MTHFD1L: variants seen among roughly 807,000 people sequenced by gnomAD.
The protein encoded by MTHFD1L is monofunctional C1-tetrahydrofolate synthase, mitochondrial.
MTHFD1L carries 81 observed loss-of-function variants against 119.5 expected under a neutral mutation model. The observed-to-expected ratio is 0.68, with a 90% CI of 0.57 to 0.82. MTHFD1L has a LOEUF of 0.82. MTHFD1L is among the 40% of genes least tolerant of loss of function. The pLI is 0.00. For synonymous variants in MTHFD1L, 430 were observed against 475.2 expected (o/e 0.90, Z 1.24); for missense variants, 1,125 against 1,253.4 (o/e 0.90, Z 1.55).
chr6:150,965,968 G>A (rs1033821614), intron 19 of MTHFD1L, among the ~76,000 whole-genome samples: 2 of 152,132 alleles, frequency 1.3e-5, no homozygotes, highest in African/African-American at 2.4e-5. Flanking sequence ...GTGCCTGCCC[G>A]CCTGTTAAAG....
intron 1 of MTHFD1L, among the ~76,000 whole-genome samples, chr6:150,872,975 A>G (rs1779787300): frequency 6.6e-6 from 1 of 151,818 alleles, no homozygotes; most frequent in African/African-American, 2.4e-5. Flanking sequence ...ATCCCCAACT[A>G]TTTTAAAAGT....
intron 12 of MTHFD1L, among the ~76,000 whole-genome samples, chr6:150,937,790 AGTT>A (rs1208052600): frequency 6.6e-6 from 1 of 152,136 alleles, no homozygotes; most frequent in Non-Finnish European, 1.5e-5. Flanking sequence ...AGGCTCACCC[AGTT>A]GTTGTGAGGA....
intron 26 of MTHFD1L, among the ~76,000 whole-genome samples, chr6:151,074,683 G>A (rs1003090587): frequency 3.3e-5 from 5 of 152,168 alleles, no homozygotes; most frequent in Non-Finnish European, 5.9e-5. Flanking sequence ...ATTTTTTACT[G>A]TACCCTTTCT....
At position 150,923,537 on chromosome 6, in the gene MTHFD1L, A is replaced by ATTTATTTATTTT. The variant is rs1254981530; in HGVS notation, c.1082+1238_1082+1239insATTTATTTTTTT. Among the ~76,000 whole-genome samples, 15 of 95,214 alleles carry ATTTATTTATTTT rather than the reference A, an allele frequency of 1.6e-4. 1 individual carries two copies. The highest frequency in any genetic ancestry group is 1.2e-3 in the Admixed American group (11 of 9,348). The allele number at this position is 95,214 out of a possible 152,430, so 62.5% of individuals were successfully genotyped here. On this transcript the variant is annotated intron_variant, in intron 10 of 27. Coordinates refer to ENST00000367321, the MANE Select transcript of MTHFD1L (RefSeq NM_015440.5). ...TATTTATTTATTTATTTATTTATTT[A>ATTTATTTATTTT]TTTTTTCTTTTTTTTTTTTTTTTTT...
At chr6:150,954,980 G>A (rs533659146) in intron 16 of MTHFD1L, among the ~76,000 whole-genome samples, 7 of 134,854 alleles carry the variant, frequency 5.2e-5, no homozygotes, top group Admixed American at 1.6e-4. Flanking sequence ...ATTCACCCCC[G>A]CCACCCCCCA....
At chr6:150,980,240 C>T (rs1041116242) in intron 20 of MTHFD1L, among the ~76,000 whole-genome samples, 1 of 152,148 alleles carries the variant, frequency 6.6e-6, no homozygotes, top group African/African-American at 2.4e-5. Context: ...GTTTTTCAGC[C>T]CCTGTCTTCA....
intron 7 of MTHFD1L, among the ~76,000 whole-genome samples, chr6:150,893,215 C>T (rs1783637199): frequency 6.6e-6 from 1 of 152,092 alleles, no homozygotes; most frequent in Non-Finnish European, 1.5e-5. Context: ...CAGGCGAGCA[C>T]CACCATGCCT....
chr6:150,966,822 C>G (rs563053655), intron 19 of MTHFD1L, among the ~76,000 whole-genome samples: 3 of 152,086 alleles, frequency 2.0e-5, no homozygotes, highest in South Asian at 2.1e-4. Context: ...AGCCTCTTAT[C>G]TTTTAAAAAA....
intron 26 of MTHFD1L, among the ~76,000 whole-genome samples, chr6:151,052,621 C>A (rs1789243568): frequency 6.6e-6 from 1 of 152,190 alleles, no homozygotes; most frequent in Admixed American, 6.5e-5. Context: ...GGGAGTTGAG[C>A]TGGACCCTGA....
At chr6:151,073,819 T>C (rs932951959) in intron 26 of MTHFD1L, among the ~76,000 whole-genome samples, 2 of 152,110 alleles carry the variant, frequency 1.3e-5, no homozygotes, top group South Asian at 4.1e-4. Flanking sequence ...GAGAGCAACA[T>C]TGAGCTTTGG....
At chr6:151,030,233 A>C (rs969102171) in intron 24 of MTHFD1L, among the ~76,000 whole-genome samples, 4 of 152,234 alleles carry the variant, frequency 2.6e-5, no homozygotes, top group Admixed American at 6.5e-5. Context: ...GAGGGGCTGC[A>C]TTCTCTCTGA....
chr6:150,924,947 A>G (rs927109887), intron 10 of MTHFD1L, among the ~76,000 whole-genome samples: 1 of 152,170 alleles, frequency 6.6e-6, no homozygotes, highest in Non-Finnish European at 1.5e-5. Flanking sequence ...TGAGGGGGGT[A>G]ACCTGAACTC....
intron 7 of MTHFD1L, among the ~76,000 whole-genome samples, chr6:150,902,902 G>T (rs898705062): frequency 6.6e-6 from 1 of 152,110 alleles, no homozygotes; most frequent in Non-Finnish European, 1.5e-5. Flanking sequence ...TTGTTTTACC[G>T]TGTTCTGGTT....
At chr6:151,051,796 A>T (rs1392175929) in intron 26 of MTHFD1L, among the ~76,000 whole-genome samples, 1 of 152,246 alleles carries the variant, frequency 6.6e-6, no homozygotes, top group African/African-American at 2.4e-5. Flanking sequence ...CACAGTGGGC[A>T]GGGTAGGCCA....
chr6:150,883,886 C>A (rs1159715641), intron 5 of MTHFD1L, among the ~76,000 whole-genome samples: 1 of 152,162 alleles, frequency 6.6e-6, no homozygotes, highest in African/African-American at 2.4e-5. Flanking sequence ...GATTCCAGAT[C>A]CGGTAGACCC....
At chr6:151,020,975 A>G (rs891465102) in intron 24 of MTHFD1L, among the ~76,000 whole-genome samples, 1 of 152,208 alleles carries the variant, frequency 6.6e-6, no homozygotes, top group Admixed American at 6.5e-5. Context: ...ACTCTGCATT[A>G]TAGATGGGAA....
At chr6:151,054,052 A>G (rs1438744738) in intron 26 of MTHFD1L, among the ~76,000 whole-genome samples, 1 of 152,164 alleles carries the variant, frequency 6.6e-6, no homozygotes, top group Non-Finnish European at 1.5e-5. Flanking sequence ...ATGTGCTCCT[A>G]TTTTGAGATG....
chr6:150,909,102 A>G (rs1786427710), intron 8 of MTHFD1L, among the ~76,000 whole-genome samples: 1 of 152,078 alleles, frequency 6.6e-6, no homozygotes, highest in South Asian at 2.1e-4. Context: ...ACGTAATCCT[A>G]GGAGAGATTT....
intron 19 of MTHFD1L, among the ~76,000 whole-genome samples, chr6:150,971,442 G>A (rs1396868279): frequency 5.3e-5 from 8 of 152,206 alleles, no homozygotes; most frequent in South Asian, 4.2e-4. Context: ...CAGGCGATCC[G>A]CCCATCTTGG....
Sources: allele counts gnomAD v4.1 joint callset (sites outside exome capture counted in the v4.1 genomes callset), GRCh38; gene constraint gnomAD v4.1.1; transcripts MANE v1.5; gene names NCBI Gene and HGNC (gene_info 2026-07-23, HGNC 2026-07-21).